Variants in DGKG observed in about 807,000 individuals in gnomAD.
DGKG encodes DAG kinase gamma.
DGKG carries 78 observed loss-of-function variants against 105.3 expected under a neutral mutation model. That is an observed-to-expected ratio of 0.74 (90% CI 0.62 to 0.89). The LOEUF is 0.89. DGKG is among the 40% of genes least tolerant of loss of function. DGKG has a pLI of 0.00. For synonymous variants in DGKG, 346 were observed against 367.1 expected, an observed-to-expected ratio of 0.94 and a Z score of 0.66; for missense variants, 958 against 1,020.1, an observed-to-expected ratio of 0.94 and a Z score of 0.83.
chr3:186,314,398 C>A (rs896201355), intron 2 of DGKG, among the ~76,000 whole-genome samples: 3 of 152,110 alleles, frequency 2.0e-5, no homozygotes, highest in African/African-American at 7.2e-5. Context: ...CTCTTCTGGA[C>A]GTAGTAGTCT....
chr3:186,268,930 A>G lies in DGKG; in HGVS notation c.1000-13T>C, dbSNP rs1193359174. 6.3e-7 allele frequency: 1 copy of G among 1,591,080 alleles called. No homozygotes were observed. The highest frequency in any genetic ancestry group is 1.3e-5 in the African/African-American group (1 of 74,526). On this transcript the variant is annotated splice_polypyrimidine_tract_variant and intron_variant, in intron 11 of 24. Coordinates refer to ENST00000265022, the MANE Select transcript of DGKG (RefSeq NM_001346.3). The stretch of plus-strand genomic sequence containing the variant: ...CGTGCTGCATCACCTGCGGGAGGGA[A>G]GCGAACGATGCCAGGGAAAATGGCA...
chr3:186,242,125 C>T (rs951988097), intron 20 of DGKG, among the ~76,000 whole-genome samples: 90 of 152,196 alleles, frequency 5.9e-4, no homozygotes, highest in Non-Finnish European at 1.0e-4. Context: ...CCCTGCTCTT[C>T]CCCAAAAGAA....
Position 186,288,817 on chromosome 3 carries a change from G to A in DGKG, c.437C>T (p.Pro146Leu), listed in dbSNP as rs768345466. ...CGAGCTTGAAGACCGAGGGACGGGGGGTTCCAGGGGGGTCGCAGCCACTTG... is the reference window on the plus strand; with the variant it reads ...CGAGCTTGAAGACCGAGGGACGGGGAGTTCCAGGGGGGTCGCAGCCACTTG... ...EDQVAATPLE[P>L]PVPRSSSSES... Residue 146 changes from proline (P) to leucine (L), a missense_variant, in exon 6 of 25, where the codon CCC becomes CTC. Pro to Leu is a moderately conservative substitution (Grantham distance 98, BLOSUM62 -3). Around this residue, in one of 2 missense-constraint regions of DGKG, gnomAD observed 643 missense variants for 619.5 expected, o/e 1.04. Coordinates refer to ENST00000265022, the MANE Select transcript of DGKG (RefSeq NM_001346.3). The A allele has an allele frequency of 6.2e-7, 1 of 1,611,454 alleles. No individual in the cohort carries two copies. Among genetic ancestry groups the A allele is most frequent in the East Asian group, 2.2e-5 (1 of 44,740 alleles).
chr3:186,307,060 G>A (rs1560146393), intron 2 of DGKG, 83 bp from the exon 3 acceptor site: 3 of 938,564 alleles, frequency 3.2e-6, no homozygotes, highest in Non-Finnish European at 5.2e-6. Context: ...GTGTAACCAT[G>A]TTTATGTTGG....
chr3:186,160,711 G>A, intron 24 of DGKG: 1 of 985,422 alleles, frequency 1.0e-6, no homozygotes, highest in Non-Finnish European at 1.2e-6. Context: ...TTTGAAATTT[G>A]CATAGCTGCA....
At chr3:186,283,577 ACAT>A (rs1235471262) in intron 7 of DGKG, among the ~76,000 whole-genome samples, 1 of 152,194 alleles carries the variant, frequency 6.6e-6, no homozygotes, top group Non-Finnish European at 1.5e-5. Context: ...CCTACCTGAC[ACAT>A]GTTTTTACTA....
Position 186,298,099 on chromosome 3 carries a change from G to T in DGKG, c.275C>A (p.Thr92Lys). 1.9e-6 allele frequency: 3 copies of T among 1,613,678 alleles called. No individual in the cohort carries two copies. Among genetic ancestry groups the T allele is most frequent in the Non-Finnish European group, 2.5e-6 (3 of 1,179,796 alleles). Residue 92 changes from threonine (T) to lysine (K), a missense_variant, in exon 4 of 25, where the codon ACG (threonine) becomes AAG (lysine). This residue lies in a region of DGKG where 643 missense variants were observed against 619.5 expected (regional missense o/e 1.04). Coordinates refer to ENST00000265022, the MANE Select transcript of DGKG (RefSeq NM_001346.3). ...KPRHETSDHP[T>K]EGASNSEANS... ...GGCCTCACTGTTGCTGGCTCCCTCC[G>T]TCGGGTGGTCAGAGGTCTCGTGTCT...
At chr3:186,343,094 A>G (rs903109757) in intron 1 of DGKG, among the ~76,000 whole-genome samples, 1 of 152,240 alleles carries the variant, frequency 6.6e-6, no homozygotes, top group Admixed American at 6.5e-5. Flanking sequence ...AAAAAGTTGG[A>G]GGAATTCTGG....
At chr3:186,160,450 G>A in intron 24 of DGKG, 1 of 985,334 alleles carries the variant, frequency 1.0e-6, no homozygotes, top group Non-Finnish European at 1.2e-6. Context: ...CCAGCAAGGT[G>A]GAAAGCTATT....
At chr3:186,339,325 G>C (rs1725979807) in intron 1 of DGKG, among the ~76,000 whole-genome samples, 1 of 152,112 alleles carries the variant, frequency 6.6e-6, no homozygotes, top group African/African-American at 2.4e-5. Context: ...TGTGTGCTAA[G>C]GGCTGTGGAG....
chr3:186,261,167 C>T (rs186727729), intron 15 of DGKG, among the ~76,000 whole-genome samples: 9 of 152,324 alleles, frequency 5.9e-5, no homozygotes, highest in Non-Finnish European at 1.2e-4. Context: ...TTCCAGATCA[C>T]GGTGCCATCT....
chr3:186,321,301 T>C (rs1725064753), intron 1 of DGKG, among the ~76,000 whole-genome samples: 1 of 152,148 alleles, frequency 6.6e-6, no homozygotes, highest in African/African-American at 2.4e-5. Context: ...ATTAAATCAG[T>C]TTTGTGGTTG....
At chr3:186,246,823 C>T (rs916051534) in intron 19 of DGKG, among the ~76,000 whole-genome samples, 3 of 152,130 alleles carry the variant, frequency 2.0e-5, no homozygotes, top group African/African-American at 4.8e-5. Flanking sequence ...GAAAACGGTG[C>T]GTGGGTCAGT....
intron 20 of DGKG, among the ~76,000 whole-genome samples, chr3:186,227,422 C>G (rs1560104488): frequency 6.6e-6 from 1 of 152,132 alleles, no homozygotes; most frequent in East Asian, 1.9e-4. Flanking sequence ...AAGTAAGAGG[C>G]AGAGTAAGGG....
At chr3:186,354,981 A>C (rs1341350561) in intron 1 of DGKG, among the ~76,000 whole-genome samples, 2 of 152,056 alleles carry the variant, frequency 1.3e-5, no homozygotes, top group Non-Finnish European at 2.9e-5. Flanking sequence ...AAATTCTTAG[A>C]TCTGCCCCAA....
intron 6 of DGKG, among the ~76,000 whole-genome samples, chr3:186,285,679 C>CTTTT (rs34275225): frequency 9.8e-5 from 13 of 133,210 alleles, no homozygotes; most frequent in Non-Finnish European, 1.9e-4. Context: ...TTCTTTCTTT[C>CTTTT]TTTTTTTTTT....
chr3:186,241,554 AAAAT>A (rs111955293), intron 20 of DGKG, among the ~76,000 whole-genome samples: 23,388 of 151,310 alleles, frequency 0.15, 2,006 homozygotes, highest in African/African-American at 0.23. Context: ...TTCCATCTCA[AAAAT>A]AAATAAATAA....
intron 1 of DGKG, among the ~76,000 whole-genome samples, chr3:186,343,298 C>CT (rs892995823): frequency 4.6e-5 from 7 of 151,424 alleles, no homozygotes; most frequent in African/African-American, 1.7e-4. Context: ...TCTTTCTTTT[C>CT]TTTTTTTTTG....
chr3:186,251,873 C>G lies in DGKG; in HGVS notation c.1647G>C (p.Gln549His). Reference sequence around the variant, plus strand: ...AGCGGTCCAGCATCACCAAGGGGCTCTGCTCAATGTCTTTCAGGATTTTTG... The same window carrying G: ...AGCGGTCCAGCATCACCAAGGGGCTGTGCTCAATGTCTTTCAGGATTTTTG... ...SLTKILKDIE[Q>H]SPLVMLDRWH... The change falls in exon 19 of 25, where the codon CAG becomes CAC. Residue 549 changes from glutamine (Q) to histidine (H), a missense_variant. Gln to His is a conservative substitution (Grantham distance 24). Transcript: ENST00000265022. 1.9e-6 allele frequency: 3 copies of G among 1,609,012 alleles called. No individual in the cohort carries two copies. Among genetic ancestry groups the G allele is most frequent in the Non-Finnish European group, 2.5e-6 (3 of 1,177,154 alleles).
Sources: gnomAD v4.1 joint callset for allele counts (sites outside exome capture counted in the v4.1 genomes callset) on GRCh38, gnomAD v4.1.1 for gene constraint, gnomAD v4.1.1 regional missense constraint, MANE v1.5 for transcripts, NCBI Gene and HGNC (gene_info 2026-07-23, HGNC 2026-07-21) for gene names.